PPIP5K2: variants seen among roughly 807,000 people sequenced by gnomAD.
The protein encoded by PPIP5K2 is inositol hexakisphosphate and diphosphoinositol-pentakisphosphate kinase 2.
PPIP5K2 carries 105 observed loss-of-function variants against 154.6 expected under a neutral mutation model. The ratio of observed to expected loss-of-function variants is 0.68; its 90% confidence interval spans 0.58 to 0.80. The LOEUF (loss-of-function observed/expected upper bound fraction) is 0.80. Ranked by LOEUF, PPIP5K2 falls within the 30% of genes least tolerant of loss-of-function variation. The pLI, the probability that PPIP5K2 is intolerant of heterozygous loss-of-function variation, is 0.00. For missense variants in PPIP5K2, 992 were observed against 1,504.6 expected, an observed-to-expected ratio of 0.66 and a Z score of 5.64; for synonymous variants, 480 against 490.3, an observed-to-expected ratio of 0.98 and a Z score of 0.28.
chr5:103,134,095 A>C (rs1791084399), intron 3 of PPIP5K2, among the ~76,000 whole-genome samples: 1 of 152,090 alleles, frequency 6.6e-6, no homozygotes, highest in Non-Finnish European at 1.5e-5. Flanking sequence ...TCTTAGGACA[A>C]GTTCTTGAAT....
At chr5:103,190,086 T>C (rs1479589073) in intron 28 of PPIP5K2, among the ~76,000 whole-genome samples, 1 of 152,040 alleles carries the variant, frequency 6.6e-6, no homozygotes, top group Non-Finnish European at 1.5e-5. Flanking sequence ...TCCTATTTGT[T>C]TAAAAACATA....
At chr5:103,198,412 G>A (rs1802458075) in intron 30 of PPIP5K2, among the ~76,000 whole-genome samples, 1 of 152,076 alleles carries the variant, frequency 6.6e-6, no homozygotes, top group African/African-American at 2.4e-5. Context: ...TGTTGATAAT[G>A]TTCAGATAGT....
rs1394699942 is a variant in PPIP5K2 at position 103,207,778 on chromosome 5, C to T, written c.*6144C>T. On this transcript the variant is annotated 3_prime_UTR_variant, in exon 31 of 31. Coordinates refer to ENST00000358359, the MANE Select transcript of PPIP5K2 (RefSeq NM_001276277.3). ...GATCAACTACATTTCTTTATGAACT[C>T]TATTTCCTTAAGTTCTTTGAGTTAT... 3.9e-5 allele frequency: 6 copies of T among 151,918 alleles called. No individual in the cohort carries two copies. The highest frequency in any genetic ancestry group is 8.8e-5 in the Non-Finnish European group (6 of 67,984). The allele number at this position is 151,918 out of a possible 1,614,324, so 9.4% of individuals were successfully genotyped here.
At position 103,184,764 on chromosome 5, in the gene PPIP5K2, T is replaced by C. The variant is rs782636931; in HGVS notation, c.3169+20T>C. The C allele has an allele frequency of 5.7e-6, 9 of 1,584,838 alleles. No individual in the cohort carries two copies. Among genetic ancestry groups the C allele is most frequent in the Non-Finnish European group, 7.8e-6 (9 of 1,153,936 alleles). ...CTGTAGGTATGTGGTGTAAAGGAAA[T>C]TGTGTTCCATACCCTTCTTAAACTC... On this transcript the variant is annotated intron_variant, in intron 26 of 30. Coordinates refer to ENST00000358359, the MANE Select transcript of PPIP5K2 (RefSeq NM_001276277.3).
At chr5:103,139,298 C>A (rs1554205573) in intron 5 of PPIP5K2, among the ~76,000 whole-genome samples, 1 of 152,134 alleles carries the variant, frequency 6.6e-6, no homozygotes, top group Non-Finnish European at 1.5e-5. Context: ...GGAGGCAGAA[C>A]AAGATGGCCA....
chr5:103,167,289 C>G lies in PPIP5K2; in HGVS notation c.2031C>G (p.Ile677Met). The change falls in exon 18 of 31, where the codon ATC (isoleucine) becomes ATG (methionine). Residue 677 changes from isoleucine (I) to methionine (M), a missense_variant. Coordinates refer to ENST00000358359, the MANE Select transcript of PPIP5K2 (RefSeq NM_001276277.3). The part of the protein sequence containing the change: ...YSLIQSLTSQ[I>M]RHRMEDPKSS... The stretch of plus-strand genomic sequence containing the variant: ...TAATTCAGAGTTTGACTTCTCAAAT[C>G]AGACATCGAATGGAAGATCCTAAAT... The G allele has an allele frequency of 6.3e-7, 1 of 1,589,468 alleles. No homozygotes were observed. The highest frequency in any genetic ancestry group is 1.2e-5 in the South Asian group (1 of 86,468).
At chr5:103,163,086 G>GTTTTTTTTTTT (rs35922283) in intron 17 of PPIP5K2, among the ~76,000 whole-genome samples, 2 of 59,872 alleles carry the variant, frequency 3.3e-5, no homozygotes. Flanking sequence ...TTCTTCAAGT[G>GTTTTTTTTTTT]TTTTTTTTTT....
chr5:103,139,712 T>C (rs1792227240), intron 5 of PPIP5K2, among the ~76,000 whole-genome samples: 1 of 152,156 alleles, frequency 6.6e-6, no homozygotes, highest in African/African-American at 2.4e-5. Context: ...CCTGGAGTGA[T>C]GGAGATATGT....
rs112146279 is a variant in PPIP5K2 at position 103,123,827 on chromosome 5, G to C, written c.-285+3339G>C. Among the ~76,000 whole-genome samples, 876 of 152,264 alleles carry C rather than the reference G, an allele frequency of 5.8e-3. 6 individuals are homozygous for C. The highest frequency in any genetic ancestry group is 0.02 in the African/African-American group (839 of 41,542). ...AATAATGTATGTATCTTTATGCCCAGACAGTTAGCATATGTTGAAATTAAT... is the reference window on the plus strand; with the variant it reads ...AATAATGTATGTATCTTTATGCCCACACAGTTAGCATATGTTGAAATTAAT... On this transcript the variant is annotated intron_variant, in intron 1 of 30. Coordinates refer to ENST00000358359, the MANE Select transcript of PPIP5K2 (RefSeq NM_001276277.3).
rs1162015859 is a variant in PPIP5K2, at chr5:103,212,661, T to C, written c.*11027T>C. ...TGCTAATAGAATCCCAAAGGAAGTGTGTATTCTAAAATGTTATTGTGTATG... is the reference window on the plus strand; with the variant it reads ...TGCTAATAGAATCCCAAAGGAAGTGCGTATTCTAAAATGTTATTGTGTATG... On this transcript the variant is annotated 3_prime_UTR_variant, in exon 31 of 31. Transcript: ENST00000358359. The C allele has an allele frequency of 2.0e-5, 3 of 151,834 alleles. No individual in the cohort carries two copies. Among genetic ancestry groups the C allele is most frequent in the Non-Finnish European group, 4.4e-5 (3 of 67,718 alleles). The allele number at this position is 151,834 out of a possible 1,614,324, so 9.4% of individuals were successfully genotyped here. A position where few individuals can be genotyped will look rare whatever the true frequency, so the allele number is the denominator to read the frequency against.
At chr5:103,153,972 A>T (rs199568720) in intron 11 of PPIP5K2, 38 bp downstream of exon 11, 1 of 1,429,974 alleles carries the variant, frequency 7.0e-7, no homozygotes, top group East Asian at 2.3e-5. Flanking sequence ...TGCATGATAC[A>T]ATTTTAAGAT....
chr5:103,157,656 C>T (rs949662491), intron 14 of PPIP5K2, among the ~76,000 whole-genome samples: 3 of 151,190 alleles, frequency 2.0e-5, no homozygotes, highest in African/African-American at 4.9e-5. Context: ...GAGCCAAGAT[C>T]GTGCCATTGC....
At position 103,161,540 on chromosome 5, in the gene PPIP5K2, C is replaced by T. The variant is rs564329059; in HGVS notation, c.1920+2212C>T. Among the ~76,000 whole-genome samples, 876 of 152,282 alleles carry T rather than the reference C, an allele frequency of 5.8e-3. 6 individuals are homozygous for T. The highest frequency in any genetic ancestry group is 0.02 in the African/African-American group (839 of 41,568). On this transcript the variant is annotated intron_variant, in intron 17 of 30. Coordinates refer to ENST00000358359, the MANE Select transcript of PPIP5K2 (RefSeq NM_001276277.3). ...GATCCTTGAGGAATCGCCATACTGTCTTCCACAATGGTTGAACTAGTTTAC... is the reference window on the plus strand; with the variant it reads ...GATCCTTGAGGAATCGCCATACTGTTTTCCACAATGGTTGAACTAGTTTAC...
At chr5:103,198,187 T>C (rs1262314404) in intron 30 of PPIP5K2, among the ~76,000 whole-genome samples, 1 of 152,074 alleles carries the variant, frequency 6.6e-6, no homozygotes, top group Admixed American at 6.6e-5. Context: ...ATATTCAGGG[T>C]TTTTTTATTG....
chr5:103,149,098 A>C, intron 7 of PPIP5K2, 54 bp from the exon 8 acceptor site: 1 of 1,289,780 alleles, frequency 7.8e-7, no homozygotes, highest in Non-Finnish European at 1.0e-6. Context: ...TTGGTTACAC[A>C]CACACACACA....
chr5:103,198,541 T>C (rs1802478340), intron 30 of PPIP5K2, among the ~76,000 whole-genome samples: 2 of 152,178 alleles, frequency 1.3e-5, no homozygotes, highest in Admixed American at 1.3e-4. Context: ...GTTTCTCCCT[T>C]TAATTTGGTA....
At chr5:103,167,073 G>T (rs1401965336) in intron 17 of PPIP5K2, 106 bp from the exon 18 acceptor site, 1 of 846,100 alleles carries the variant, frequency 1.2e-6, no homozygotes, top group Non-Finnish European at 1.7e-6. Context: ...TTTAATTTCT[G>T]CTATGGAATT....
At chr5:103,190,697 A>G (rs1554226610) in intron 28 of PPIP5K2, 145 bp from the exon 29 acceptor site, 1 of 580,222 alleles carries the variant, frequency 1.7e-6, no homozygotes, top group East Asian at 3.3e-5. Flanking sequence ...ATCTGGTGTC[A>G]TGACTTCAGA....
chr5:103,156,134 G>A (rs551507566), intron 14 of PPIP5K2, 140 bp downstream of exon 14: 1 of 568,930 alleles, frequency 1.8e-6, no homozygotes, highest in East Asian at 3.0e-5. Flanking sequence ...TATCTTAGCT[G>A]TGCTTCCTTT....
Sources: allele counts gnomAD v4.1 joint callset (sites outside exome capture counted in the v4.1 genomes callset), GRCh38; gene constraint gnomAD v4.1.1; transcripts MANE v1.5; gene names NCBI Gene and HGNC (gene_info 2026-07-23, HGNC 2026-07-21).